The following TBC1D22A variants were observed in gnomAD, a reference collection of about 807,000 sequenced individuals.
TBC1D22A encodes the protein putative GTPase activator.
Under a neutral mutation model 60.2 loss-of-function variants are expected in TBC1D22A, and 38 were observed. That is an observed-to-expected ratio of 0.63 (90% CI 0.49 to 0.83). The LOEUF is 0.83. Ranked by LOEUF, TBC1D22A falls within the 40% of genes least tolerant of loss-of-function variation. TBC1D22A has a pLI of 0.00. For synonymous variants in TBC1D22A, 302 were observed against 281.7 expected, an observed-to-expected ratio of 1.07 and a Z score of -0.72; for missense variants, 628 against 701.0, an observed-to-expected ratio of 0.90 and a Z score of 1.18.
At chr22:46,775,733 G>A (rs186164727) in intron 1 of TBC1D22A, among the ~76,000 whole-genome samples, 16 of 152,346 alleles carry the variant, frequency 1.1e-4, no homozygotes, top group Non-Finnish European at 2.1e-4. Flanking sequence ...CAGCCGTCAT[G>A]CTTTTAAATA....
chr22:46,997,615 A>T lies in TBC1D22A; in HGVS notation c.1126-19A>T. 6.2e-7 allele frequency: 1 copy of T among 1,605,752 alleles called. No homozygotes were observed. The highest frequency in any genetic ancestry group is 1.3e-5 in the African/African-American group (1 of 74,918). ...TTTATTTTATATGCATATGATTCAC[A>T]TTATTCTTTTTTCCTTAGGACAACT... On this transcript the variant is annotated intron_variant, in intron 9 of 12. Coordinates refer to ENST00000337137, the MANE Select transcript of TBC1D22A (RefSeq NM_014346.5).
chr22:47,078,838 C>T (rs534389848), intron 11 of TBC1D22A, among the ~76,000 whole-genome samples: 13 of 152,274 alleles, frequency 8.5e-5, no homozygotes, highest in Middle Eastern at 3.4e-3. Flanking sequence ...AATGCTCCCA[C>T]GGAGACTGGT....
At chr22:47,060,238 C>CTTTT (rs3884803) in intron 11 of TBC1D22A, among the ~76,000 whole-genome samples, 3 of 111,656 alleles carry the variant, frequency 2.7e-5, no homozygotes, top group African/African-American at 3.6e-5. Context: ...GGGTTTCTGA[C>CTTTT]TTTTTTTTTT....
rs532418812 is a variant in TBC1D22A at position 46,879,870 on chromosome 22, G to T, written c.708+1147G>T. On this transcript the variant is annotated intron_variant, in intron 5 of 12. Coordinates refer to ENST00000337137, the MANE Select transcript of TBC1D22A (RefSeq NM_014346.5). ...TCTCCTCTAATTCTCAGCCTCTGCG[G>T]GTTGTGGTTCCGCTTCCCTAATGTG... Among the ~76,000 whole-genome samples, 41 of 31,304 alleles carry T rather than the reference G, an allele frequency of 1.3e-3. 1 individual carries two copies. In the East Asian group the frequency reaches 0.037, roughly 28 times the overall value. 20.5% of individuals were successfully genotyped at this position (31,304 alleles called of 152,430 possible).
chr22:46,942,617 C>G (rs540667909), intron 8 of TBC1D22A, among the ~76,000 whole-genome samples: 3 of 152,260 alleles, frequency 2.0e-5, no homozygotes, highest in African/African-American at 7.2e-5. Context: ...CAGCACATGT[C>G]AATTAGGAAG....
chr22:47,084,377 G>A (rs2064595732), intron 11 of TBC1D22A, among the ~76,000 whole-genome samples: 1 of 152,214 alleles, frequency 6.6e-6, no homozygotes, highest in Non-Finnish European at 1.5e-5. Context: ...TCAGCAGGAT[G>A]TTGCTGGGTG....
In TBC1D22A at chr22:47,123,355, C is replaced by T. The variant is rs571333050; in HGVS notation, c.1425+11752C>T. On this transcript the variant is annotated intron_variant, in intron 12 of 12. Transcript: ENST00000337137. ...GTTTTGCACCCAGCCGAGCACCTGG[C>T]GCGTGGTCGGAATGGAAGGGCTGTT... 2.6e-5 allele frequency among the ~76,000 whole-genome samples: 4 copies of T among 152,262 alleles called. No individual in the cohort carries two copies. In the South Asian group the frequency reaches 6.2e-4, roughly 24 times the overall value.
chr22:46,990,852 T>A lies in TBC1D22A; in HGVS notation c.1126-6782T>A, dbSNP rs988811026. On this transcript the variant is annotated intron_variant, in intron 9 of 12. Coordinates refer to ENST00000337137, the MANE Select transcript of TBC1D22A (RefSeq NM_014346.5). This position sits in a 1 kb window ranked among gnomAD's most constrained non-coding sequence, Gnocchi z 4.6. ...GGCTCTGCTCCTCGCCGTGTGCGTC[T>A]GGAAGTGACCATGGATGGCCTCCTC... Among the ~76,000 whole-genome samples the A allele has an allele frequency of 6.6e-6, 1 of 152,238 alleles. No individual in the cohort carries two copies. Among genetic ancestry groups the A allele is most frequent in the African/African-American group, 2.4e-5 (1 of 41,460 alleles).
At chr22:46,904,230 A>T (rs909024867) in intron 7 of TBC1D22A, among the ~76,000 whole-genome samples, 11 of 61,928 alleles carry the variant, frequency 1.8e-4, no homozygotes, top group African/African-American at 2.3e-4. Context: ...AAAAAAGAAT[A>T]AAAAAAAAGG....
intron 10 of TBC1D22A, among the ~76,000 whole-genome samples, chr22:47,022,146 G>C (rs956139124): frequency 2.0e-5 from 3 of 152,228 alleles, no homozygotes; most frequent in African/African-American, 7.2e-5. Context: ...GGTCAACATT[G>C]ATGTTAATGA....
In TBC1D22A at chr22:47,022,215, C is replaced by T. The variant is rs112241313; in HGVS notation, c.1202-14856C>T. Among the ~76,000 whole-genome samples the T allele has an allele frequency of 4.8e-3, 736 of 152,308 alleles. 5 individuals are homozygous for T. The highest frequency in any genetic ancestry group is 0.014 in the Middle Eastern group (4 of 294). ...AGCCTGTACACCCAGTGCTCTAGTT[C>T]ATGTTTTCAGGGAGCTGACTCACTC... On this transcript the variant is annotated intron_variant, in intron 10 of 12. Coordinates refer to ENST00000337137, the MANE Select transcript of TBC1D22A (RefSeq NM_014346.5).
intron 4 of TBC1D22A, among the ~76,000 whole-genome samples, chr22:46,841,044 ATGGGTGTGTGTGTG>A (rs2086737088): frequency 3.7e-5 from 2 of 54,042 alleles, no homozygotes; most frequent in Non-Finnish European, 4.7e-5. Context: ...AGTAATGAAA[ATGGGTGTGTGTGTG>A]TGTGTGTGTG....
Position 46,974,278 on chromosome 22 carries a change from G to A in TBC1D22A, c.1016-12G>A, listed in dbSNP as rs768325209. 17 of 1,577,988 alleles carry A rather than the reference G, an allele frequency of 1.1e-5. No homozygotes were observed. The highest frequency in any genetic ancestry group is 1.2e-5 in the Non-Finnish European group (14 of 1,162,044). On this transcript the variant is annotated splice_polypyrimidine_tract_variant and intron_variant, in intron 8 of 12. Transcript: ENST00000337137. ...AAGTCTCCTTGTCTTTTGCATGCTC[G>A]GCGCCGCCCAGAGGCAGAGGAGGTG...
intron 10 of TBC1D22A, among the ~76,000 whole-genome samples, chr22:47,025,857 C>T (rs761310333): frequency 1.1e-4 from 16 of 150,982 alleles, no homozygotes; most frequent in African/African-American, 3.4e-4. Context: ...TGGATAGTAC[C>T]GAGTGTGTGA....
At chr22:46,897,810 A>G (rs560336772) in intron 7 of TBC1D22A, among the ~76,000 whole-genome samples, 2 of 151,796 alleles carry the variant, frequency 1.3e-5, no homozygotes, top group Non-Finnish European at 2.9e-5. Context: ...TTAAAGCTGA[A>G]ATTTTTATTA....
At chr22:46,807,308 A>G (rs1358927849) in intron 4 of TBC1D22A, among the ~76,000 whole-genome samples, 5 of 151,616 alleles carry the variant, frequency 3.3e-5, no homozygotes, top group African/African-American at 7.3e-5. Flanking sequence ...GGCGATGATA[A>G]CTGTGATGAT....
intron 11 of TBC1D22A, among the ~76,000 whole-genome samples, chr22:47,040,672 G>A (rs2062811319): frequency 2.0e-5 from 3 of 152,138 alleles, no homozygotes; most frequent in Admixed American, 2.0e-4. Context: ...GACTTGATGG[G>A]GGGCCCTGTG....
intron 8 of TBC1D22A, among the ~76,000 whole-genome samples, chr22:46,918,306 G>A (rs932233751): frequency 5.3e-5 from 8 of 152,190 alleles, no homozygotes; most frequent in African/African-American, 7.2e-5. Context: ...GCCAAAGCAC[G>A]CCTCAGCTGA....
chr22:47,034,066 C>T (rs751586094), intron 10 of TBC1D22A, among the ~76,000 whole-genome samples: 4 of 152,228 alleles, frequency 2.6e-5, no homozygotes, highest in Non-Finnish European at 4.4e-5. Context: ...CTCCACTTGC[C>T]GCGCTGCCCT....
Sources: allele counts gnomAD v4.1 joint callset (sites outside exome capture counted in the v4.1 genomes callset), GRCh38; gene constraint gnomAD v4.1.1; non-coding constraint Gnocchi (gnomAD v3.1); transcripts MANE v1.5; gene names NCBI Gene and HGNC (gene_info 2026-07-23, HGNC 2026-07-21).